CCNG2: variants seen among roughly 807,000 people sequenced by gnomAD.
The protein encoded by CCNG2 is cyclin G2.
CCNG2 carries 20 observed loss-of-function variants against 36.5 expected under a neutral mutation model. The observed-to-expected ratio is 0.55, with a 90% CI of 0.39 to 0.80. CCNG2 has a LOEUF of 0.80. Among genes scored for constraint, CCNG2 ranks in the 30% least tolerant of loss-of-function variants. The pLI, the probability that CCNG2 is intolerant of heterozygous loss-of-function variation, is 0.00. For synonymous variants in CCNG2, 155 were observed against 140.1 expected, an observed-to-expected ratio of 1.11 and a Z score of -0.75; for missense variants, 358 against 390.8, an observed-to-expected ratio of 0.92 and a Z score of 0.71.
At chr4:77,162,238 T>C (rs894714489) in intron 6 of CCNG2, among the ~76,000 whole-genome samples, 2 of 152,210 alleles carry the variant, frequency 1.3e-5, no homozygotes, top group East Asian at 1.9e-4. Context: ...CAAAGAGATA[T>C]AAAACAAAAG....
chr4:77,158,532 G>A lies in CCNG2; in HGVS notation c.1-1G>A. 1 of 1,614,188 alleles carries A rather than the reference G, an allele frequency of 6.2e-7. No individual in the cohort carries two copies. The highest frequency in any genetic ancestry group is 8.5e-7 in the Non-Finnish European group (1 of 1,180,012). Reference sequence around the variant, plus strand: ...TTCTCTGTGTGGTGTCTTTACTGCAGATGAAGGATTTGGGGGCAGAGCACT... The same window carrying A: ...TTCTCTGTGTGGTGTCTTTACTGCAAATGAAGGATTTGGGGGCAGAGCACT... On this transcript the variant is annotated splice_acceptor_variant, in intron 1 of 7. Transcript: ENST00000316355. LOFTEE classifies it low-confidence loss of function (5UTR_SPLICE).
chr4:77,164,014 C>T (rs1300139168), intron 6 of CCNG2, among the ~76,000 whole-genome samples: 2 of 152,186 alleles, frequency 1.3e-5, no homozygotes, highest in Non-Finnish European at 2.9e-5. Flanking sequence ...TAGTTTTATA[C>T]TTACGGTGCT....
chr4:77,161,703 G>C lies in CCNG2; in HGVS notation c.661G>C (p.Val221Leu). ...LNLEVETLKS[V>L]ELLEILLLVK... ...TTTGGAAGTGGAAACTTTGAAATCT[G>C]TTGAATTACTGGAAATTCTCTTGCT... The change falls in exon 6 of 8, where the codon GTT becomes CTT. Residue 221 changes from valine (V) to leucine (L), a missense_variant. Physicochemically the swap from Val to Leu is conservative, Grantham distance 32. Transcript: ENST00000316355. 1 of 1,610,384 alleles carries C rather than the reference G, an allele frequency of 6.2e-7. No homozygotes were observed. Among genetic ancestry groups the C allele is most frequent in the South Asian group, 1.1e-5 (1 of 90,126 alleles).
At chr4:77,158,691 A>G in intron 2 of CCNG2, 21 bp downstream of exon 2, 2 of 1,613,316 alleles carry the variant, frequency 1.2e-6, no homozygotes, top group South Asian at 2.2e-5. Context: ...AGAAAAGATA[A>G]CTTGCTCAAG....
chr4:77,160,719 A>G lies in CCNG2; in HGVS notation c.277-2A>G. On this transcript the variant is annotated splice_acceptor_variant, in intron 3 of 7. Transcript: ENST00000316355. LOFTEE classifies it high-confidence loss of function. ...AAAAGAAGCCTCTTGTTTTTTTCTCAGGTGAAACCTAAACATTTGTCTTGC... is the reference window on the plus strand; with the variant it reads ...AAAAGAAGCCTCTTGTTTTTTTCTCGGGTGAAACCTAAACATTTGTCTTGC... 2 of 1,603,492 alleles carry G rather than the reference A, an allele frequency of 1.2e-6. No homozygotes were observed. The highest frequency in any genetic ancestry group is 2.2e-5 in the East Asian group (1 of 44,774).
intron 4 of CCNG2, 91 bp downstream of exon 4, chr4:77,161,062 C>T (rs895046719): frequency 3.7e-5 from 31 of 844,418 alleles, no homozygotes; most frequent in South Asian, 1.8e-4. Context: ...ATATTTTTAC[C>T]TTCTTCAAAC....
intron 6 of CCNG2, among the ~76,000 whole-genome samples, chr4:77,162,048 C>G (rs1731453129): frequency 6.6e-6 from 1 of 152,130 alleles, no homozygotes. Context: ...GAAATGCATA[C>G]TAGGTAGTAG....
intron 3 of CCNG2, among the ~76,000 whole-genome samples, chr4:77,160,272 A>C (rs1037298217): frequency 2.0e-5 from 3 of 151,448 alleles, no homozygotes; most frequent in Admixed American, 6.6e-5. Context: ...TACAAATTAT[A>C]CTTTAGTGCT....
chr4:77,169,324 A>G lies in CCNG2; in HGVS notation c.*3400A>G, dbSNP rs1178156274. 1 of 152,272 alleles carries G rather than the reference A, an allele frequency of 6.6e-6. No individual in the cohort carries two copies. The highest frequency in any genetic ancestry group is 1.5e-5 in the Non-Finnish European group (1 of 68,044). 9.4% of individuals were successfully genotyped at this position (152,272 alleles called of 1,614,324 possible). Reference sequence around the variant, plus strand: ...CTTAGATTCATATATGGACAAGGACAAGGTATTTTGCATTTGTTACTGGAA... The same window carrying G: ...CTTAGATTCATATATGGACAAGGACGAGGTATTTTGCATTTGTTACTGGAA... On this transcript the variant is annotated 3_prime_UTR_variant, in exon 8 of 8. Transcript: ENST00000316355.
intron 6 of CCNG2, 101 bp downstream of exon 6, chr4:77,161,848 T>C (rs943246039): frequency 1.4e-6 from 1 of 695,384 alleles, no homozygotes. Flanking sequence ...GACTCTTAAC[T>C]TTTACACTTG....
chr4:77,168,242 A>G lies in CCNG2; in HGVS notation c.*2318A>G, dbSNP rs1422701134. On this transcript the variant is annotated 3_prime_UTR_variant, in exon 8 of 8. Transcript: ENST00000316355. ...CTGTTTATGGAGGTCACCAGCCTCT[A>G]TCATTTGTATGATTTCGTTTACACT... 4 of 152,222 alleles carry G rather than the reference A, an allele frequency of 2.6e-5. No individual in the cohort carries two copies. The highest frequency in any genetic ancestry group is 9.6e-5 in the African/African-American group (4 of 41,452). The allele number at this position is 152,222 out of a possible 1,614,324, so 9.4% of individuals were successfully genotyped here. A position where few individuals can be genotyped will look rare whatever the true frequency, so the allele number is the denominator to read the frequency against.
At chr4:77,158,192 G>GC (rs1468991770) in intron 1 of CCNG2, 4 of 306,374 alleles carry the variant, frequency 1.3e-5, no homozygotes, top group African/African-American at 8.7e-5. Flanking sequence ...AGTCCCCTGG[G>GC]CAGAAGGCCC....
At chr4:77,158,854 A>G (rs1050190863) in intron 2 of CCNG2, among the ~76,000 whole-genome samples, 184 bp downstream of exon 2, 26 of 152,248 alleles carry the variant, frequency 1.7e-4, no homozygotes, top group African/African-American at 5.8e-4. Flanking sequence ...TGAGAGTGAT[A>G]CTTTAGAGAA....
intron 3 of CCNG2, 97 bp from the exon 4 acceptor site, chr4:77,160,624 T>G: frequency 1.7e-6 from 2 of 1,209,306 alleles, no homozygotes; most frequent in South Asian, 1.5e-5. Flanking sequence ...AACTTGATTG[T>G]GTTCTGTCTT....
chr4:77,165,791 T>C lies in CCNG2; in HGVS notation c.912-10T>C. ...TGGTATCCTCTTTTTTTGTCTCTTT[T>C]TCTCTTTAGTGAGGACTCTTGTGAA... On this transcript the variant is annotated splice_polypyrimidine_tract_variant and intron_variant, in intron 7 of 7. Transcript: ENST00000316355. The C allele has an allele frequency of 1.3e-6, 2 of 1,537,202 alleles. No homozygotes were observed. Among genetic ancestry groups the C allele is most frequent in the Non-Finnish European group, 1.7e-6 (2 of 1,145,016 alleles).
In CCNG2 at chr4:77,170,003, T is replaced by C. The variant is rs1425096041; in HGVS notation, c.*4079T>C. On this transcript the variant is annotated 3_prime_UTR_variant, in exon 8 of 8. Coordinates refer to ENST00000316355, the MANE Select transcript of CCNG2 (RefSeq NM_004354.3). ...CCTATCTGTAGTTTCCTTTTTTTCC[T>C]AAAATTGATTTGAATTATTAGTGTA... The C allele has an allele frequency of 6.6e-6, 1 of 152,218 alleles. No homozygotes were observed. Among genetic ancestry groups the C allele is most frequent in the African/African-American group, 2.4e-5 (1 of 41,452 alleles). The allele number at this position is 152,218 out of a possible 1,614,324, so 9.4% of individuals were successfully genotyped here. A position where few individuals can be genotyped will look rare whatever the true frequency, so the allele number is the denominator to read the frequency against.
chr4:77,164,177 CTATA>C, intron 6 of CCNG2, 93 bp from the exon 7 acceptor site: 1 of 766,794 alleles, frequency 1.3e-6, no homozygotes, highest in Non-Finnish European at 2.1e-6. Context: ...AGCCAGGCAT[CTATA>C]TATATATATT....
chr4:77,162,597 G>A (rs560214670), intron 6 of CCNG2, among the ~76,000 whole-genome samples: 2 of 152,052 alleles, frequency 1.3e-5, no homozygotes, highest in Admixed American at 6.5e-5. Context: ...TGGCCAGGCC[G>A]GTCTTGAACT....
chr4:77,162,692 G>GT (rs928797152), intron 6 of CCNG2, among the ~76,000 whole-genome samples: 5 of 151,816 alleles, frequency 3.3e-5, no homozygotes, highest in African/African-American at 9.7e-5. Flanking sequence ...CTTACTTTGG[G>GT]TTTTTTTTAA....
Sources: gnomAD v4.1 joint callset for allele counts (sites outside exome capture counted in the v4.1 genomes callset) on GRCh38, gnomAD v4.1.1 for gene constraint, MANE v1.5 for transcripts, NCBI Gene and HGNC (gene_info 2026-07-23, HGNC 2026-07-21) for gene names.